Variants in SYT16 observed in about 807,000 individuals in gnomAD.
The protein encoded by SYT16 is synaptotagmin-16.
SYT16 carries 42 observed loss-of-function variants against 61.4 expected under a neutral mutation model. That is an observed-to-expected ratio of 0.68 (90% CI 0.53 to 0.89). The LOEUF is 0.89. Among genes scored for constraint, SYT16 ranks in the 40% least tolerant of loss-of-function variants. The pLI is 0.00. For synonymous variants in SYT16, 314 were observed against 302.3 expected, an observed-to-expected ratio of 1.04 and a Z score of -0.40; for missense variants, 804 against 807.3, an observed-to-expected ratio of 1.00 and a Z score of 0.05.
chr14:61,903,322 A>G (rs1317637115), intron 1 of SYT16, among the ~76,000 whole-genome samples: 2 of 151,440 alleles, frequency 1.3e-5, no homozygotes, highest in Non-Finnish European at 2.9e-5. Flanking sequence ...GCTATTTTGT[A>G]ACCTTTTGTA....
chr14:62,110,117 A>T lies in SYT16; in HGVS notation c.*9410A>T, dbSNP rs2057582110. 6.6e-6 allele frequency: 1 copy of T among 152,194 alleles called. No homozygotes were observed. Among genetic ancestry groups the T allele is most frequent in the South Asian group, 2.1e-4 (1 of 4,836 alleles). The allele number at this position is 152,194 out of a possible 1,614,324, so 9.4% of individuals were successfully genotyped here. A position where few individuals can be genotyped will look rare whatever the true frequency, so the allele number is the denominator to read the frequency against. On this transcript the variant is annotated 3_prime_UTR_variant, in exon 8 of 8. Transcript: ENST00000683842. ...TGCCCTTTGCTTTGTAGCTACAGCA[A>T]CTTGCAGAACCTGGCATTATTGCAG... is the stretch of plus-strand genomic sequence containing the variant.
At chr14:61,832,773 T>C (rs1370643439) in intron 1 of SYT16, among the ~76,000 whole-genome samples, 3 of 152,310 alleles carry the variant, frequency 2.0e-5, no homozygotes, top group Admixed American at 1.3e-4. Flanking sequence ...GGCTCTGTTA[T>C]ATTATTTAAC....
In SYT16 at chr14:61,873,256, G is replaced by A. The variant is rs574941161; in HGVS notation, c.-325+60446G>A. On this transcript the variant is annotated intron_variant, in intron 1 of 7. Transcript: ENST00000683842. ...GTTGAAAAAGCATAATTCTTTCCCCGAAAGAGTTATAGGCTTTTCCCATTA... is the reference window on the plus strand; with the variant it reads ...GTTGAAAAAGCATAATTCTTTCCCCAAAAGAGTTATAGGCTTTTCCCATTA... 7.2e-5 allele frequency among the ~76,000 whole-genome samples: 11 copies of A among 152,266 alleles called. 1 individual carries two copies. The highest frequency in any genetic ancestry group is 6.2e-4 in the South Asian group (3 of 4,824).
At chr14:61,971,973 A>G (rs2051580407) in intron 2 of SYT16, among the ~76,000 whole-genome samples, 3 of 152,232 alleles carry the variant, frequency 2.0e-5, no homozygotes, top group Non-Finnish European at 4.4e-5. Context: ...AGGATTCATC[A>G]TGATTCTATT....
chr14:61,847,070 T>C (rs2046466184), intron 1 of SYT16, among the ~76,000 whole-genome samples: 1 of 152,052 alleles, frequency 6.6e-6, no homozygotes. Context: ...TTAATCTTTC[T>C]ACTTAAGACT....
chr14:62,038,420 G>A (rs1442476719), intron 3 of SYT16, among the ~76,000 whole-genome samples: 2 of 151,842 alleles, frequency 1.3e-5, no homozygotes, highest in Non-Finnish European at 2.9e-5. Flanking sequence ...CCCTGTCCAC[G>A]TCCTGTTTAG....
intron 1 of SYT16, among the ~76,000 whole-genome samples, chr14:61,813,770 A>G (rs2045342111): frequency 1.3e-5 from 2 of 148,752 alleles, no homozygotes; most frequent in South Asian, 2.1e-4. Flanking sequence ...CAAAAATCAA[A>G]TGGTGTGCTG....
intron 1 of SYT16, among the ~76,000 whole-genome samples, chr14:61,851,039 C>T (rs932625952): frequency 2.0e-5 from 3 of 152,116 alleles, no homozygotes; most frequent in African/African-American, 7.2e-5. Context: ...ATTAGCTGTT[C>T]TTCCTGATGC....
Position 61,824,984 on chromosome 14 carries a change from A to G in SYT16, c.-325+12174A>G, listed in dbSNP as rs187457107. On this transcript the variant is annotated intron_variant, in intron 1 of 7. Transcript: ENST00000683842. ...ATCTTTAATTTTGAATATGGGAAAT[A>G]TCAGTAAATAAAACAAAAACTAAAG... Among the ~76,000 whole-genome samples the G allele has an allele frequency of 1.5e-3, 233 of 152,336 alleles. 1 individual carries two copies. The highest frequency in any genetic ancestry group is 5.1e-3 in the African/African-American group (212 of 41,564).
intron 3 of SYT16, among the ~76,000 whole-genome samples, chr14:62,056,524 T>C (rs1438077725): frequency 6.6e-6 from 1 of 152,188 alleles, no homozygotes; most frequent in Non-Finnish European, 1.5e-5. Context: ...CCCACCTGTA[T>C]CTGAATGCAT....
chr14:62,047,686 G>T (rs190865974), intron 3 of SYT16, among the ~76,000 whole-genome samples: 5 of 152,162 alleles, frequency 3.3e-5, no homozygotes, highest in African/African-American at 1.2e-4. Flanking sequence ...TACCATGAAG[G>T]GTTGTTAAAT....
chr14:62,068,848 T>C (rs939335885), intron 3 of SYT16, among the ~76,000 whole-genome samples: 1 of 152,090 alleles, frequency 6.6e-6, no homozygotes, highest in Non-Finnish European at 1.5e-5. Flanking sequence ...GAGGCTGGAG[T>C]GCAGTGGTGC....
intron 1 of SYT16, among the ~76,000 whole-genome samples, chr14:61,838,640 C>T (rs143313869): frequency 2.7e-4 from 41 of 152,230 alleles, no homozygotes; most frequent in African/African-American, 8.7e-4. Context: ...TTCACAAAGC[C>T]CTGTCTGGAT....
intron 1 of SYT16, among the ~76,000 whole-genome samples, chr14:61,938,583 G>A (rs910422816): frequency 6.6e-6 from 1 of 152,204 alleles, no homozygotes; most frequent in African/African-American, 2.4e-5. Flanking sequence ...TGGGGGCACA[G>A]TGGGATAAAC....
At chr14:61,858,133 A>AG (rs2046838844) in intron 1 of SYT16, among the ~76,000 whole-genome samples, 1 of 150,476 alleles carries the variant, frequency 6.6e-6, no homozygotes, top group East Asian at 1.9e-4. Flanking sequence ...AAAAAAAAAA[A>AG]AAAAAAAAAA....
chr14:61,812,562 C>T (rs1385476593), upstream of SYT16: 1 of 150,860 alleles, frequency 6.6e-6, no homozygotes, highest in African/African-American at 2.4e-5. Flanking sequence ...CGCCGCAGCT[C>T]GGCCGTTCTG....
At position 62,103,834 on chromosome 14, in the gene SYT16, T is replaced by A. The variant is rs1461058833; in HGVS notation, c.*3127T>A. 6.6e-6 allele frequency: 1 copy of A among 151,996 alleles called. No individual in the cohort carries two copies. The highest frequency in any genetic ancestry group is 1.9e-4 in the East Asian group (1 of 5,184). 9.4% of individuals were successfully genotyped at this position (151,996 alleles called of 1,614,324 possible). ...ACCATGTTTGTGAGAGGGAAAAGAG[T>A]ATGGCATTGCATAGTCATTCGCTTT... On this transcript the variant is annotated 3_prime_UTR_variant, in exon 8 of 8. Transcript: ENST00000683842.
Position 62,100,466 on chromosome 14 carries a change from G to C in SYT16, c.1697G>C (p.Arg566Pro). The stretch of plus-strand genomic sequence containing the variant: ...TCCCGTTGCAAGACGTCCATTCGGC[G>C]TGGTCAGCCCAATCCTGTCTATAAG... ...EMSRCKTSIR[R>P]GQPNPVYKET... Residue 566 changes from arginine (R) to proline (P), a missense_variant, in exon 8 of 8, where the codon CGT (arginine) becomes CCT (proline). Arg to Pro is a moderately radical substitution (Grantham distance 103). Transcript: ENST00000683842. 1.2e-6 allele frequency: 2 copies of C among 1,613,378 alleles called. No individual in the cohort carries two copies. Among genetic ancestry groups the C allele is most frequent in the East Asian group, 2.2e-5 (1 of 44,864 alleles).
rs530809685 is a variant in SYT16, at chr14:61,822,068, C to G, written c.-325+9258C>G. ...GAGCAAGCTGCAGAACCAGAGAAGC[C>G]AGTGGCATGGCTGTCAGAGAGCCTG... is the stretch of plus-strand genomic sequence containing the variant. On this transcript the variant is annotated intron_variant, in intron 1 of 7. Coordinates refer to ENST00000683842, the MANE Select transcript of SYT16 (RefSeq NM_001367656.1). Among the ~76,000 whole-genome samples, 6 of 152,276 alleles carry G rather than the reference C, an allele frequency of 3.9e-5. No homozygotes were observed. In the South Asian group the frequency reaches 1.2e-3, roughly 32 times the overall value.
Sources: allele counts gnomAD v4.1 joint callset (sites outside exome capture counted in the v4.1 genomes callset), GRCh38; gene constraint gnomAD v4.1.1; transcripts MANE v1.5; gene names NCBI Gene and HGNC (gene_info 2026-07-23, HGNC 2026-07-21).